Variants in PDE3A observed in about 807,000 individuals in gnomAD.
The protein encoded by PDE3A is phosphodiesterase 3A, also known as cGMP-inhibited 3',5'-cyclic phosphodiesterase 3A.
In PDE3A, 43 loss-of-function variants were observed where a neutral mutation model predicts 98.3. The ratio of observed to expected loss-of-function variants is 0.44; its 90% CI spans 0.34 to 0.56. The LOEUF is 0.56. Ranked by LOEUF, PDE3A falls within the 20% of genes least tolerant of loss-of-function variation. The pLI is 0.01. For missense variants in PDE3A, 1,427 were observed against 1,440.7 expected (o/e 0.99, Z 0.15); for synonymous variants, 663 against 567.9 (o/e 1.17, Z -2.38).
chr12:20,668,269 G>C (rs1191552419), intron 15 of PDE3A, among the ~76,000 whole-genome samples: 1 of 152,242 alleles, frequency 6.6e-6, no homozygotes, highest in East Asian at 1.9e-4. Context: ...GTGAGGCTGG[G>C]GGAGGGGCGC....
At chr12:20,521,052 G>C (rs1316580297) in intron 1 of PDE3A, among the ~76,000 whole-genome samples, 1 of 151,990 alleles carries the variant, frequency 6.6e-6, no homozygotes, top group Admixed American at 6.5e-5. Flanking sequence ...ATATTTTGTT[G>C]CAAGTGCCAT....
chr12:20,653,328 T>TA (rs1178415007), intron 14 of PDE3A, among the ~76,000 whole-genome samples: 1 of 151,862 alleles, frequency 6.6e-6, no homozygotes, highest in Non-Finnish European at 1.5e-5. Flanking sequence ...AAAAGGAAAA[T>TA]AGGCTACATT....
intron 15 of PDE3A, among the ~76,000 whole-genome samples, chr12:20,673,992 A>T (rs985515074): frequency 6.6e-6 from 1 of 152,132 alleles, no homozygotes; most frequent in Non-Finnish European, 1.5e-5. Context: ...TGTTGTCTTC[A>T]ACGTGTTTCA....
chr12:20,584,420 C>T (rs10841570), intron 2 of PDE3A, among the ~76,000 whole-genome samples: 29,826 of 152,082 alleles, frequency 0.2, 3,220 homozygotes, highest in South Asian at 0.34. Context: ...AAGTCTCCTA[C>T]CTCCAGAATG....
At chr12:20,654,829 C>T (rs1945006159) in intron 15 of PDE3A, among the ~76,000 whole-genome samples, 1 of 151,882 alleles carries the variant, frequency 6.6e-6, no homozygotes, top group South Asian at 2.1e-4. Flanking sequence ...GTTATGTTAG[C>T]GATTTAAAAG....
intron 1 of PDE3A, among the ~76,000 whole-genome samples, chr12:20,427,850 A>C (rs1944626734): frequency 6.6e-6 from 1 of 151,954 alleles, no homozygotes; most frequent in Non-Finnish European, 1.5e-5. Flanking sequence ...AATATATAAT[A>C]TATTCTGTTT....
chr12:20,547,306 A>G (rs993238000), intron 1 of PDE3A, among the ~76,000 whole-genome samples: 2 of 151,990 alleles, frequency 1.3e-5, no homozygotes, highest in African/African-American at 4.8e-5. Flanking sequence ...CTGGTATACT[A>G]TGTTTCTGTG....
chr12:20,416,730 T>G (rs1042797511), intron 1 of PDE3A, among the ~76,000 whole-genome samples: 2 of 152,190 alleles, frequency 1.3e-5, no homozygotes, highest in Admixed American at 6.5e-5. Flanking sequence ...CTATCTGATT[T>G]CTTAAATTTA....
Position 20,368,567 on chromosome 12 carries a change from C to G in PDE3A, c.-718C>G, listed in dbSNP as rs1300165611. The stretch of plus-strand genomic sequence containing the variant: ...TCTCTCGGTCTGGCTCTCTCTCCGA[C>G]GGGACTTAGCAACTTCTTATTTCTC... On this transcript the variant is annotated 5_prime_UTR_variant, in exon 1 of 16. Coordinates refer to ENST00000359062, the MANE Select transcript of PDE3A (RefSeq NM_000921.5). Among the ~76,000 whole-genome samples, 1 of 151,898 alleles carries G rather than the reference C, an allele frequency of 6.6e-6. No individual in the cohort carries two copies.
At chr12:20,658,661 G>T (rs1407036247) in intron 15 of PDE3A, among the ~76,000 whole-genome samples, 1 of 152,150 alleles carries the variant, frequency 6.6e-6, no homozygotes, top group Non-Finnish European at 1.5e-5. Context: ...ACTAAAGTTA[G>T]GCTCCTACCT....
At chr12:20,584,057 C>A (rs1470904030) in intron 2 of PDE3A, among the ~76,000 whole-genome samples, 1 of 152,132 alleles carries the variant, frequency 6.6e-6, no homozygotes, top group Non-Finnish European at 1.5e-5. Context: ...AAGGTGAATT[C>A]CTTTTTGCTT....
intron 1 of PDE3A, among the ~76,000 whole-genome samples, chr12:20,548,694 C>T (rs1942122216): frequency 6.6e-6 from 1 of 152,052 alleles, no homozygotes; most frequent in Non-Finnish European, 1.5e-5. Flanking sequence ...AAAGTTTAGT[C>T]AAAATGAATT....
At chr12:20,483,356 T>A (rs965952428) in intron 1 of PDE3A, among the ~76,000 whole-genome samples, 2 of 152,098 alleles carry the variant, frequency 1.3e-5, no homozygotes, top group Non-Finnish European at 2.9e-5. Context: ...ACCACTGCAC[T>A]CCAGCCTGTT....
At chr12:20,633,594 T>G in intron 6 of PDE3A, 99 bp from the exon 7 acceptor site, 3 of 542,420 alleles carry the variant, frequency 5.5e-6, no homozygotes, top group Non-Finnish European at 9.7e-6. Flanking sequence ...TAGAAATATT[T>G]GACTATTGTT....
chr12:20,671,215 C>G (rs1352484506), intron 15 of PDE3A, among the ~76,000 whole-genome samples: 1 of 147,744 alleles, frequency 6.8e-6, no homozygotes, highest in African/African-American at 2.6e-5. Flanking sequence ...CAATAGTTTA[C>G]CAACAAAAAA....
intron 1 of PDE3A, among the ~76,000 whole-genome samples, chr12:20,446,181 G>A (rs1014713608): frequency 1.3e-5 from 2 of 152,148 alleles, no homozygotes; most frequent in African/African-American, 4.8e-5. Flanking sequence ...AATTTGAAGA[G>A]CCTGCCTCTC....
At chr12:20,434,966 G>A (rs1031557358) in intron 1 of PDE3A, among the ~76,000 whole-genome samples, 2 of 152,258 alleles carry the variant, frequency 1.3e-5, no homozygotes, top group Middle Eastern at 3.4e-3. Context: ...AAAGAAATGA[G>A]GGTTCCACAT....
At position 20,680,911 on chromosome 12, in the gene PDE3A, T is replaced by C. The variant is rs79189721; in HGVS notation, c.*640T>C. The C allele has an allele frequency of 0.052, 7,953 of 152,614 alleles. 619 individuals are homozygous for C. Among genetic ancestry groups the C allele is most frequent in the African/African-American group, 0.17 (7,209 of 41,220 alleles). The allele number at this position is 152,614 out of a possible 1,614,324, so 9.5% of individuals were successfully genotyped here. ...GGAATGGTTTGAGAGGGTGCTTGTG[T>C]GCATGTGTGTGCATATGTAAAGAGA... On this transcript the variant is annotated 3_prime_UTR_variant, in exon 16 of 16. Coordinates refer to ENST00000359062, the MANE Select transcript of PDE3A (RefSeq NM_000921.5).
At chr12:20,483,636 A>G (rs1945671951) in intron 1 of PDE3A, among the ~76,000 whole-genome samples, 1 of 152,100 alleles carries the variant, frequency 6.6e-6, no homozygotes, top group Non-Finnish European at 1.5e-5. Flanking sequence ...CTATTTCCTT[A>G]TATTACTCTG....
Sources: gnomAD v4.1 joint callset for allele counts (sites outside exome capture counted in the v4.1 genomes callset) on GRCh38, gnomAD v4.1.1 for gene constraint, MANE v1.5 for transcripts, NCBI Gene and HGNC (gene_info 2026-07-23, HGNC 2026-07-21) for gene names.